CNTN5: variants seen among roughly 807,000 people sequenced by gnomAD.
CNTN5 encodes contactin 5.
In CNTN5, 77 loss-of-function variants were observed where a neutral mutation model predicts 129.1. That is an observed-to-expected ratio of 0.60 (90% CI 0.50 to 0.72). The LOEUF is 0.72. CNTN5 is among the 30% of genes least tolerant of loss of function. CNTN5 has a pLI of 0.00. For synonymous variants in CNTN5, 509 were observed against 465.6 expected (o/e 1.09, Z -1.20); for missense variants, 1,478 against 1,328.8 (o/e 1.11, Z -1.75).
chr11:99,539,904 C>G (rs998275584), intron 2 of CNTN5, among the ~76,000 whole-genome samples: 4 of 152,066 alleles, frequency 2.6e-5, no homozygotes, highest in African/African-American at 9.7e-5. Context: ...GTAATTTGAT[C>G]CAGTATACTC....
chr11:99,406,267 A>C (rs1412130938), intron 2 of CNTN5, among the ~76,000 whole-genome samples: 1 of 152,150 alleles, frequency 6.6e-6, no homozygotes, highest in Non-Finnish European at 1.5e-5. Context: ...GGGCACCCCA[A>C]GCCCAATAAT....
intron 2 of CNTN5, among the ~76,000 whole-genome samples, chr11:99,345,714 T>C (rs1309582122): frequency 6.6e-6 from 1 of 152,222 alleles, no homozygotes; most frequent in East Asian, 1.9e-4. Context: ...CAGTCTTAGT[T>C]CTATTAAAAT....
At chr11:99,832,388 C>T (rs1326638224) in intron 4 of CNTN5, among the ~76,000 whole-genome samples, 1 of 152,152 alleles carries the variant, frequency 6.6e-6, no homozygotes, top group Non-Finnish European at 1.5e-5. Context: ...TTACTGCATC[C>T]TCTGACCTCT....
chr11:99,098,441 A>G (rs978361312), intron 1 of CNTN5, among the ~76,000 whole-genome samples: 1 of 152,014 alleles, frequency 6.6e-6, no homozygotes, highest in Non-Finnish European at 1.5e-5. Context: ...TACATAGACC[A>G]CAACACTAGT....
intron 3 of CNTN5, among the ~76,000 whole-genome samples, chr11:99,602,185 C>T (rs1420227753): frequency 1.3e-5 from 2 of 151,974 alleles, no homozygotes; most frequent in East Asian, 3.9e-4. Context: ...TAGAGACACA[C>T]TTTTATACGA....
intron 8 of CNTN5, among the ~76,000 whole-genome samples, chr11:99,998,484 C>A (rs1939610517): frequency 7.6e-6 from 1 of 131,658 alleles, no homozygotes. Context: ...AACTACAAAC[C>A]ACTGCTCAAT....
At chr11:99,117,663 T>C (rs528674743) in intron 1 of CNTN5, among the ~76,000 whole-genome samples, 1 of 152,236 alleles carries the variant, frequency 6.6e-6, no homozygotes, top group South Asian at 2.1e-4. Context: ...AGTGGGATCT[T>C]TGGGAGACAA....
Position 100,190,917 on chromosome 11 carries a change from C to T in CNTN5, c.1581-209C>T, listed in dbSNP as rs578000802. On this transcript the variant is annotated intron_variant, in intron 13 of 24. Coordinates refer to ENST00000524871, the MANE Select transcript of CNTN5 (RefSeq NM_014361.4). ...TCAAAAGAAAAATATCTTGTTACTC[C>T]TTAACCTTTTTGAATATAAGAAGAT... Among the ~76,000 whole-genome samples, 10 of 152,086 alleles carry T rather than the reference C, an allele frequency of 6.6e-5. No individual in the cohort carries two copies. The East Asian group carries it at 1.7e-3, about 27-fold the overall frequency.
At chr11:99,586,968 C>G (rs1565324638) in intron 3 of CNTN5, among the ~76,000 whole-genome samples, 1 of 152,140 alleles carries the variant, frequency 6.6e-6, no homozygotes, top group Non-Finnish European at 1.5e-5. Context: ...TAGTAATTGG[C>G]AAGAGTATCA....
intron 13 of CNTN5, among the ~76,000 whole-genome samples, chr11:100,171,269 T>C (rs1236118855): frequency 6.6e-6 from 1 of 152,046 alleles, no homozygotes; most frequent in East Asian, 1.9e-4. Context: ...ATATCAAATA[T>C]TTATAATCTT....
intron 1 of CNTN5, among the ~76,000 whole-genome samples, chr11:99,187,993 A>G (rs1277715346): frequency 6.6e-6 from 1 of 151,880 alleles, no homozygotes; most frequent in Non-Finnish European, 1.5e-5. Flanking sequence ...AAATGAAAAT[A>G]TACATATTCA....
intron 1 of CNTN5, among the ~76,000 whole-genome samples, chr11:99,231,265 C>T (rs1411250498): frequency 3.9e-5 from 6 of 152,122 alleles, no homozygotes; most frequent in African/African-American, 9.7e-5. Context: ...TTTGCATTCC[C>T]ATCAACTGTG....
intron 23 of CNTN5, among the ~76,000 whole-genome samples, chr11:100,345,101 T>C (rs546459853): frequency 6.6e-6 from 1 of 152,158 alleles, no homozygotes; most frequent in Non-Finnish European, 1.5e-5. Flanking sequence ...TGCGCTGTTA[T>C]AACAGATATC....
intron 2 of CNTN5, among the ~76,000 whole-genome samples, chr11:99,440,304 C>A (rs1006781198): frequency 5.3e-5 from 8 of 151,902 alleles, no homozygotes; most frequent in Non-Finnish European, 1.0e-4. Flanking sequence ...TTCTTGTACA[C>A]CTAAAATGAC....
At chr11:99,574,971 T>C (rs990400817) in intron 3 of CNTN5, among the ~76,000 whole-genome samples, 5 of 152,160 alleles carry the variant, frequency 3.3e-5, no homozygotes, top group Admixed American at 6.5e-5. Flanking sequence ...AGACTGGAAA[T>C]AGGAGGGCTA....
At chr11:100,117,450 A>G (rs1227922528) in intron 13 of CNTN5, among the ~76,000 whole-genome samples, 2 of 152,032 alleles carry the variant, frequency 1.3e-5, no homozygotes, top group African/African-American at 4.8e-5. Flanking sequence ...CACAAAATCT[A>G]TGAAGTTTCC....
At chr11:99,241,693 T>C (rs941615808) in intron 1 of CNTN5, among the ~76,000 whole-genome samples, 2 of 152,152 alleles carry the variant, frequency 1.3e-5, no homozygotes, top group African/African-American at 4.8e-5. Context: ...TCTATAAAAA[T>C]AATTTGTTGC....
At chr11:99,897,426 A>G (rs1292972832) in intron 6 of CNTN5, among the ~76,000 whole-genome samples, 7 of 152,112 alleles carry the variant, frequency 4.6e-5, no homozygotes, top group Non-Finnish European at 1.0e-4. Context: ...ACAAAGGAAA[A>G]CCAATCAGAC....
intron 3 of CNTN5, among the ~76,000 whole-genome samples, chr11:99,627,122 G>A (rs897133159): frequency 3.9e-5 from 6 of 151,990 alleles, no homozygotes. Context: ...TGAGAGGCTC[G>A]CTGTTCGTGT....
Sources: gnomAD v4.1 joint callset for allele counts (sites outside exome capture counted in the v4.1 genomes callset) on GRCh38, gnomAD v4.1.1 for gene constraint, MANE v1.5 for transcripts, NCBI Gene and HGNC (gene_info 2026-07-23, HGNC 2026-07-21) for gene names.